Variants in ZNF597 observed in about 807,000 individuals in gnomAD.
The protein encoded by ZNF597 is zinc finger protein 597.
In ZNF597, 5 loss-of-function variants were observed where a neutral mutation model predicts 7.3. The observed-to-expected ratio is 0.68, with a 90% CI of 0.36 to 1.44. The LOEUF (loss-of-function observed/expected upper bound fraction) is 1.44, where lower values mean the gene tolerates loss of function less well. Ranked by LOEUF, ZNF597 falls within the 40% of genes most tolerant of loss-of-function variation. ZNF597 has a pLI of 0.04. For synonymous variants in ZNF597, 209 were observed against 185.4 expected (o/e 1.13, Z -1.04); for missense variants, 585 against 517.9 (o/e 1.13, Z -1.26).
chr16:3,438,423 C>T (rs42223), intron 3 of ZNF597, among the ~76,000 whole-genome samples: 39,259 of 151,208 alleles, frequency 0.26, 5,431 homozygotes, highest in African/African-American at 0.36. Context: ...ATTAGCTGGG[C>T]GTGGTGGCCT....
rs898578627 is a variant in ZNF597, at chr16:3,432,924, A to C, written c.*3500T>G. 1 of 152,262 alleles carries C rather than the reference A, an allele frequency of 6.6e-6. No individual in the cohort carries two copies. The highest frequency in any genetic ancestry group is 1.5e-5 in the Non-Finnish European group (1 of 68,044). The allele number at this position is 152,262 out of a possible 1,614,324, so 9.4% of individuals were successfully genotyped here. On this transcript the variant is annotated 3_prime_UTR_variant, in exon 4 of 4. Transcript: ENST00000301744. ...AACATTCAAAATAGACTATTCATAT[A>C]AACTATAACCTGCTATGTCTCCCTT...
At position 3,437,138 on chromosome 16, in the gene ZNF597, A is replaced by T. The variant is rs779543984; in HGVS notation, c.561T>A (p.Gly187=). The T allele has an allele frequency of 6.2e-7, 1 of 1,614,118 alleles. No individual in the cohort carries two copies. Among genetic ancestry groups the T allele is most frequent in the Non-Finnish European group, 8.5e-7 (1 of 1,179,998 alleles). Residue 187 remains glycine (G), a synonymous_variant, in exon 4 of 4, where the codon GGT becomes GGA. Coordinates refer to ENST00000301744, the MANE Select transcript of ZNF597 (RefSeq NM_152457.3). ...IHSGEKKHKC[G]DCGKIFNHRA... is the part of the protein sequence containing the mutation. ...TATGATTGAAGATCTTTCCACAGTC[A>T]CCACATTTATGTTTTTTCTCTCCTG... is the stretch of plus-strand genomic sequence containing the variant.
chr16:3,443,323 C>A lies in ZNF597; in HGVS notation c.-54+37G>T, dbSNP rs1360237374. On this transcript the variant is annotated intron_variant, in intron 1 of 3. Coordinates refer to ENST00000301744, the MANE Select transcript of ZNF597 (RefSeq NM_152457.3). ...CCCTTAAAAACCTACGCCGACTGCTCCTCCTCTTGGCCCGGCCTCGAAAGG... is the reference window on the plus strand; with the variant it reads ...CCCTTAAAAACCTACGCCGACTGCTACTCCTCTTGGCCCGGCCTCGAAAGG... The A allele has an allele frequency of 6.2e-6, 4 of 645,918 alleles. No individual in the cohort carries two copies. In the African/African-American group the frequency reaches 7.5e-5, roughly 12 times the overall value. The allele number at this position is 645,918 out of a possible 1,614,324, so 40.0% of individuals were successfully genotyped here.
rs1328008545 is a variant in ZNF597 at position 3,443,156 on chromosome 16, G to A, written c.-3C>T. On this transcript the variant is annotated 5_prime_UTR_variant, in exon 2 of 4. Transcript: ENST00000301744. Reference sequence around the variant, plus strand: ...GGCGTCGGGGGCATGGACGCCATTTGGCGGGTGGGGAATGCCTTCTTCAAG... The same window carrying A: ...GGCGTCGGGGGCATGGACGCCATTTAGCGGGTGGGGAATGCCTTCTTCAAG... 1.2e-6 allele frequency: 2 copies of A among 1,612,860 alleles called. No homozygotes were observed. Among genetic ancestry groups the A allele is most frequent in the Non-Finnish European group, 1.7e-6 (2 of 1,179,378 alleles).
chr16:3,438,407 C>T (rs1245651603), intron 3 of ZNF597, among the ~76,000 whole-genome samples: 1 of 151,590 alleles, frequency 6.6e-6, no homozygotes, highest in South Asian at 2.1e-4. Flanking sequence ...AAAAAAAATA[C>T]AGAAAATTAG....
chr16:3,440,357 C>T (rs55996210), intron 3 of ZNF597, among the ~76,000 whole-genome samples: 3,286 of 152,312 alleles, frequency 0.022, 125 homozygotes, highest in African/African-American at 0.076. Context: ...TCATCTCGGC[C>T]GGGCTCAGTG....
At chr16:3,441,170 A>G (rs879851565) in intron 2 of ZNF597, among the ~76,000 whole-genome samples, 4 of 152,218 alleles carry the variant, frequency 2.6e-5, no homozygotes, top group Non-Finnish European at 5.9e-5. Context: ...GTGGACTGTG[A>G]GAATTATTGT....
At position 3,433,763 on chromosome 16, in the gene ZNF597, C is replaced by G. The variant is rs1567350405; in HGVS notation, c.*2661G>C. 6.6e-6 allele frequency: 1 copy of G among 152,324 alleles called. No individual in the cohort carries two copies. The highest frequency in any genetic ancestry group is 1.9e-4 in the East Asian group (1 of 5,190). The allele number at this position is 152,324 out of a possible 1,614,324, so 9.4% of individuals were successfully genotyped here. A position where few individuals can be genotyped will look rare whatever the true frequency, so the allele number is the denominator to read the frequency against. The stretch of plus-strand genomic sequence containing the variant: ...TACATCTAGCAAATGTATTTAAGTA[C>G]AACTGCACAATAAGCACAACTGAAA... On this transcript the variant is annotated 3_prime_UTR_variant, in exon 4 of 4. Coordinates refer to ENST00000301744, the MANE Select transcript of ZNF597 (RefSeq NM_152457.3).
rs1428390124 is a variant in ZNF597, at chr16:3,433,939, G to C, written c.*2485C>G. On this transcript the variant is annotated 3_prime_UTR_variant, in exon 4 of 4. Coordinates refer to ENST00000301744, the MANE Select transcript of ZNF597 (RefSeq NM_152457.3). ...AGGGCTATTTTTTCTAATCTTTTAG[G>C]AAGTTTGTCGTAATCTTCCAAAATC... 1 of 151,664 alleles carries C rather than the reference G, an allele frequency of 6.6e-6. No individual in the cohort carries two copies. The highest frequency in any genetic ancestry group is 1.5e-5 in the Non-Finnish European group (1 of 67,970). 9.4% of individuals were successfully genotyped at this position (151,664 alleles called of 1,614,324 possible). A position where few individuals can be genotyped will look rare whatever the true frequency, so the allele number is the denominator to read the frequency against.
At chr16:3,442,714 C>G (rs941643743) in intron 2 of ZNF597, among the ~76,000 whole-genome samples, 24 of 150,956 alleles carry the variant, frequency 1.6e-4, no homozygotes, top group Admixed American at 1.1e-3. Context: ...TAGCCAGACA[C>G]TGTGGTATGC....
intron 3 of ZNF597, among the ~76,000 whole-genome samples, 174 bp downstream of exon 3, chr16:3,440,633 C>CAAAGAAAA (rs2034357018): frequency 6.9e-6 from 1 of 144,012 alleles, no homozygotes. Flanking sequence ...GAGTCTGTCT[C>CAAAGAAAA]AAAAAAAAAA....
At position 3,435,564 on chromosome 16, in the gene ZNF597, T is replaced by TA. The variant is rs1231017271; in HGVS notation, c.*859_*860insT. The TA allele has an allele frequency of 2.4e-5, 1 of 41,192 alleles. No homozygotes were observed. The allele number at this position is 41,192 out of a possible 1,614,324, so 2.6% of individuals were successfully genotyped here. ...AGTTTCCTCGTTTATGAAACAAAGA[T>TA]TTTTTTTCTCTGTCACAGATTCTGA... is the stretch of plus-strand genomic sequence containing the variant. On this transcript the variant is annotated 3_prime_UTR_variant, in exon 4 of 4. Coordinates refer to ENST00000301744, the MANE Select transcript of ZNF597 (RefSeq NM_152457.3).
Position 3,433,103 on chromosome 16 carries a change from C to T in ZNF597, c.*3321G>A, listed in dbSNP as rs2034270065. The T allele has an allele frequency of 6.6e-6, 1 of 152,158 alleles. No individual in the cohort carries two copies. The highest frequency in any genetic ancestry group is 1.5e-5 in the Non-Finnish European group (1 of 68,032). 9.4% of individuals were successfully genotyped at this position (152,158 alleles called of 1,614,324 possible). A position where few individuals can be genotyped will look rare whatever the true frequency, so the allele number is the denominator to read the frequency against. The stretch of plus-strand genomic sequence containing the variant: ...CAAAATGGCATTTGCTGTGAAATGT[C>T]ATTTGAGTTTTAACTCCCTGAATTA... On this transcript the variant is annotated 3_prime_UTR_variant, in exon 4 of 4. Transcript: ENST00000301744.
intron 1 of ZNF597, 51 bp from the exon 2 acceptor site, chr16:3,443,257 C>T (rs1431015245): frequency 2.6e-6 from 3 of 1,173,068 alleles, no homozygotes; most frequent in East Asian, 2.5e-5. Flanking sequence ...CTGCCAAGTT[C>T]CTCCACTACC....
intron 1 of ZNF597, 39 bp from the exon 2 acceptor site, chr16:3,443,245 C>T (rs1324466613): frequency 7.4e-7 from 1 of 1,342,998 alleles, no homozygotes. Flanking sequence ...GGACCAATTC[C>T]GCTGCCAAGT....
Position 3,443,188 on chromosome 16 carries a change from C to T in ZNF597, c.-35G>A. On this transcript the variant is annotated 5_prime_UTR_variant, in exon 2 of 4. The change creates a new upstream start codon in the 5' untranslated region. Transcript: ENST00000301744. ...GGGGAATGCCTTCTTCAAGACGCCA[C>T]AGGGACTTCGTGACAAAGCTGCGGG... 4 of 1,604,782 alleles carry T rather than the reference C, an allele frequency of 2.5e-6. No individual in the cohort carries two copies. Among genetic ancestry groups the T allele is most frequent in the Non-Finnish European group, 3.4e-6 (4 of 1,175,038 alleles).
At chr16:3,439,141 G>A (rs1332116160) in intron 3 of ZNF597, among the ~76,000 whole-genome samples, 2 of 152,160 alleles carry the variant, frequency 1.3e-5, no homozygotes, top group Non-Finnish European at 2.9e-5. Context: ...CACATTGGGA[G>A]GCTGAGGTGG....
chr16:3,437,412 T>A lies in ZNF597; in HGVS notation c.287A>T (p.Asp96Val), dbSNP rs201319437. Residue 96 changes from aspartate to valine, a missense_variant, in exon 4 of 4, where the codon GAT (aspartate) becomes GTT (valine). Physicochemically the swap from Asp to Val is radical, Grantham distance 152 (BLOSUM62 -3). Transcript: ENST00000301744. Reference protein sequence around the residue: ...LVPYPEKSSEDGVGNPEAKIL... With the variant: ...LVPYPEKSSEVGVGNPEAKIL... ...TTTCGCTTCAGGGTTTCCAACTCCA[T>A]CCTCAGAGGATTTTTCTGGGTAAGG... The A allele has an allele frequency of 3.7e-6, 6 of 1,614,168 alleles. No individual in the cohort carries two copies. In the East Asian group the frequency reaches 1.3e-4, roughly 36 times the overall value.
rs902034276 is a variant in ZNF597, at chr16:3,433,802, A to G, written c.*2622T>C. The G allele has an allele frequency of 6.6e-6, 1 of 152,214 alleles. No homozygotes were observed. Among genetic ancestry groups the G allele is most frequent in the African/African-American group, 2.4e-5 (1 of 41,450 alleles). The allele number at this position is 152,214 out of a possible 1,614,324, so 9.4% of individuals were successfully genotyped here. A position where few individuals can be genotyped will look rare whatever the true frequency, so the allele number is the denominator to read the frequency against. On this transcript the variant is annotated 3_prime_UTR_variant, in exon 4 of 4. Transcript: ENST00000301744. ...GCACAACTGAAAATATGCCTCTTTC[A>G]CAGTAACTGACACTTCCGGGGTTTT...
Sources: gnomAD v4.1 joint callset for allele counts (sites outside exome capture counted in the v4.1 genomes callset) on GRCh38, gnomAD v4.1.1 for gene constraint, MANE v1.5 for transcripts, NCBI Gene and HGNC (gene_info 2026-07-23, HGNC 2026-07-21) for gene names.